Variants in ARHGAP44 observed in about 807,000 individuals in gnomAD.
ARHGAP44 encodes Rho GTPase activating protein 44, also known as rho GTPase-activating protein 44.
Under a neutral mutation model 106.8 loss-of-function variants are expected in ARHGAP44, and 43 were observed. The observed-to-expected ratio is 0.40, with a 90% confidence interval of 0.32 to 0.52. ARHGAP44 has a LOEUF of 0.52. ARHGAP44 is among the 20% of genes least tolerant of loss of function. The pLI, the probability that ARHGAP44 is intolerant of heterozygous loss-of-function variation, is 0.48. For missense variants in ARHGAP44, 866 were observed against 1,050.5 expected (o/e 0.82, Z 2.43); for synonymous variants, 439 against 410.3 (o/e 1.07, Z -0.85).
intron 16 of ARHGAP44, among the ~76,000 whole-genome samples, chr17:12,960,356 A>C (rs1239904357): frequency 6.6e-6 from 1 of 152,034 alleles, no homozygotes; most frequent in Non-Finnish European, 1.5e-5. Context: ...TCACAAGGTC[A>C]GGTGTTCGAG....
In ARHGAP44 at chr17:12,919,841, C is replaced by G; in HGVS notation, c.464+10C>G. 1.2e-6 allele frequency: 2 copies of G among 1,607,424 alleles called. No homozygotes were observed. Among genetic ancestry groups the G allele is most frequent in the African/African-American group, 2.7e-5 (2 of 74,740 alleles). ...ATTCCTCACGAACCAGGTAGAATCT[C>G]TTTACTTTCTTTTTTGCTTCTTTGA... On this transcript the variant is annotated intron_variant, in intron 6 of 20. Transcript: ENST00000379672.
At chr17:12,823,601 T>C (rs756616987) in intron 1 of ARHGAP44, among the ~76,000 whole-genome samples, 4 of 152,166 alleles carry the variant, frequency 2.6e-5, no homozygotes, top group Non-Finnish European at 4.4e-5. Context: ...TTTCCCAAAC[T>C]TTGCTGTGTT....
At chr17:12,973,277 T>C (rs2039574687) in intron 16 of ARHGAP44, 25 bp from the exon 17 acceptor site, 2 of 1,602,762 alleles carry the variant, frequency 1.2e-6, no homozygotes, top group Admixed American at 1.7e-5. Context: ...TTGAAACTAA[T>C]ATCTGTATGT....
intron 6 of ARHGAP44, among the ~76,000 whole-genome samples, chr17:12,926,479 T>C (rs1598066578): frequency 8.9e-6 from 1 of 112,518 alleles, no homozygotes; most frequent in Non-Finnish European, 1.6e-5. Context: ...ATATATAATA[T>C]ATATGTATGT....
chr17:12,874,119 T>C (rs2150887491), intron 1 of ARHGAP44, among the ~76,000 whole-genome samples: 1 of 152,222 alleles, frequency 6.6e-6, no homozygotes, highest in Non-Finnish European at 1.5e-5. Flanking sequence ...CCTTCATGGT[T>C]ACAAGATGGC....
rs558494559 is a variant in ARHGAP44, at chr17:12,902,591, A to G, written c.198+6080A>G. ...GCAATGGTACAAGTAGATGTGTGTC[A>G]TGAATGGATGGTCTGTGAATATTTT... is the stretch of plus-strand genomic sequence containing the variant. On this transcript the variant is annotated intron_variant, in intron 3 of 20. Coordinates refer to ENST00000379672, the MANE Select transcript of ARHGAP44 (RefSeq NM_014859.6). Among the ~76,000 whole-genome samples, 9 of 152,312 alleles carry G rather than the reference A, an allele frequency of 5.9e-5. No homozygotes were observed. The South Asian group carries it at 1.4e-3, about 25-fold the overall frequency.
intron 1 of ARHGAP44, among the ~76,000 whole-genome samples, chr17:12,819,751 C>T (rs79532601): frequency 0.039 from 5,990 of 151,928 alleles, 146 homozygotes; most frequent in East Asian, 0.06. Context: ...TTTGCTTATG[C>T]CAAAAATGGA....
At chr17:12,934,321 A>T (rs959223969) in intron 7 of ARHGAP44, among the ~76,000 whole-genome samples, 5 of 152,228 alleles carry the variant, frequency 3.3e-5, no homozygotes, top group Admixed American at 1.3e-4. Context: ...AGCAGGACAG[A>T]TGTCTAGCTC....
chr17:12,805,203 C>A (rs1244773974), intron 1 of ARHGAP44, among the ~76,000 whole-genome samples: 6 of 152,176 alleles, frequency 3.9e-5, no homozygotes, highest in African/African-American at 1.4e-4. Flanking sequence ...CTCATTTTCT[C>A]ACACCACTTA....
intron 13 of ARHGAP44, among the ~76,000 whole-genome samples, chr17:12,954,939 A>C (rs2143136216): frequency 6.6e-6 from 1 of 152,270 alleles, no homozygotes; most frequent in African/African-American, 2.4e-5. Flanking sequence ...ATAGTTTTGC[A>C]ACTATTACTG....
chr17:12,816,959 G>T (rs59566539), intron 1 of ARHGAP44, among the ~76,000 whole-genome samples: 3,445 of 152,174 alleles, frequency 0.023, 118 homozygotes, highest in African/African-American at 0.077. Flanking sequence ...GATATACAGA[G>T]GATACATATT....
intron 1 of ARHGAP44, among the ~76,000 whole-genome samples, chr17:12,849,960 C>A (rs1046208041): frequency 6.6e-6 from 1 of 151,920 alleles, no homozygotes; most frequent in African/African-American, 2.4e-5. Context: ...CATCCAAGAC[C>A]GAAAAATAGC....
Position 12,897,985 on chromosome 17 carries a change from C to T in ARHGAP44, c.198+1474C>T, listed in dbSNP as rs570575144. The stretch of plus-strand genomic sequence containing the variant: ...CTTGAGTGATCTGAAGTATAGGGCA[C>T]TGATAGAAGATTTGAGGTATGGCAA... On this transcript the variant is annotated intron_variant, in intron 3 of 20. Coordinates refer to ENST00000379672, the MANE Select transcript of ARHGAP44 (RefSeq NM_014859.6). Among the ~76,000 whole-genome samples the T allele has an allele frequency of 2.6e-5, 4 of 152,006 alleles. No homozygotes were observed. The East Asian group carries it at 5.8e-4, about 22-fold the overall frequency.
At chr17:12,897,245 T>C (rs999174785) in intron 3 of ARHGAP44, among the ~76,000 whole-genome samples, 1 of 109,606 alleles carries the variant, frequency 9.1e-6, no homozygotes, top group African/African-American at 3.6e-5. Flanking sequence ...ATCTACATGA[T>C]TGGTATCATT....
intron 6 of ARHGAP44, among the ~76,000 whole-genome samples, chr17:12,923,041 A>G (rs539751744): frequency 5.3e-5 from 8 of 152,204 alleles, no homozygotes; most frequent in Non-Finnish European, 1.0e-4. Flanking sequence ...CTGTTTTTAT[A>G]AACTTCAACT....
At chr17:12,978,036 CAAAAA>C (rs1157325814) in intron 18 of ARHGAP44, among the ~76,000 whole-genome samples, 3 of 89,298 alleles carry the variant, frequency 3.4e-5, no homozygotes, top group Admixed American at 1.6e-4. Flanking sequence ...GACTCCATCT[CAAAAA>C]AAAAAAAAAA....
intron 1 of ARHGAP44, among the ~76,000 whole-genome samples, chr17:12,840,672 G>C (rs1235525590): frequency 6.6e-6 from 1 of 152,186 alleles, no homozygotes; most frequent in African/African-American, 2.4e-5. Context: ...GCAGCTTAGG[G>C]CTCCCACTCA....
intron 1 of ARHGAP44, among the ~76,000 whole-genome samples, chr17:12,822,261 A>G (rs2034792741): frequency 1.3e-5 from 2 of 152,192 alleles, no homozygotes; most frequent in East Asian, 3.8e-4. Context: ...ATAATCATGG[A>G]TATTTGAATT....
At chr17:12,860,808 G>C (rs917058413) in intron 1 of ARHGAP44, among the ~76,000 whole-genome samples, 4 of 151,454 alleles carry the variant, frequency 2.6e-5, no homozygotes, top group Non-Finnish European at 4.4e-5. Flanking sequence ...GATTCACGCA[G>C]AGCAGGTGAA....
Sources: allele counts gnomAD v4.1 joint callset (sites outside exome capture counted in the v4.1 genomes callset), GRCh38; gene constraint gnomAD v4.1.1; transcripts MANE v1.5; gene names NCBI Gene and HGNC (gene_info 2026-07-23, HGNC 2026-07-21).